The following SORBS3 variants were observed in gnomAD, a reference collection of about 807,000 sequenced individuals.
The protein encoded by SORBS3 is vinexin.
Under a neutral mutation model 98.0 loss-of-function variants are expected in SORBS3, and 69 were observed. The ratio of observed to expected loss-of-function variants is 0.70; its 90% CI spans 0.58 to 0.86. The LOEUF is 0.86. Ranked by LOEUF, SORBS3 falls within the 40% of genes least tolerant of loss-of-function variation. The pLI is 0.00. For missense variants in SORBS3, 954 were observed against 908.5 expected (o/e 1.05, Z -0.64); for synonymous variants, 394 against 355.4 (o/e 1.11, Z -1.22).
At chr8:22,565,971 C>A in intron 12 of SORBS3, 99 bp downstream of exon 12, 1 of 841,250 alleles carries the variant, frequency 1.2e-6, no homozygotes, top group Non-Finnish European at 1.6e-6. Context: ...ATCGCGGGGC[C>A]CAGCCGGGGG....
chr8:22,575,042 T>G lies in SORBS3; in HGVS notation c.*314T>G. The G allele has an allele frequency of 3.8e-6, 2 of 521,902 alleles. No homozygotes were observed. The highest frequency in any genetic ancestry group is 3.7e-6 in the Non-Finnish European group (1 of 272,234). The allele number at this position is 521,902 out of a possible 1,614,324, so 32.3% of individuals were successfully genotyped here. On this transcript the variant is annotated 3_prime_UTR_variant, in exon 21 of 21. Transcript: ENST00000240123. ...CCAGACCCCAAGTCCCCCACCCCCA[T>G]CCTGCTCCAGCGTTTCCTCTAACAG...
chr8:22,574,265 C>G (rs528443146), intron 20 of SORBS3, among the ~76,000 whole-genome samples: 3 of 152,136 alleles, frequency 2.0e-5, no homozygotes, highest in Non-Finnish European at 4.4e-5. Flanking sequence ...GGGGTGCTCT[C>G]GGGCAATGCA....
rs776152551 is a variant in SORBS3 at position 22,569,277 on chromosome 8, G to C, written c.1431+4G>C. On this transcript the variant is annotated splice_donor_region_variant and intron_variant, in intron 17 of 20. Coordinates refer to ENST00000240123, the MANE Select transcript of SORBS3 (RefSeq NM_005775.5). ...GGTGGAGCTGTCCTTCCGCAAGGTG[G>C]GCCAGGCCGGAGACGGAGGGGTGGG... 1 of 1,587,162 alleles carries C rather than the reference G, an allele frequency of 6.3e-7. No individual in the cohort carries two copies. The highest frequency in any genetic ancestry group is 1.1e-5 in the South Asian group (1 of 87,916).
At chr8:22,551,177 G>A (rs1305155069), upstream of SORBS3, among the ~76,000 whole-genome samples, 1 of 152,204 alleles carries the variant, frequency 6.6e-6, no homozygotes, top group Non-Finnish European at 1.5e-5. This position sits in a 1 kb window ranked among gnomAD's most constrained non-coding sequence, Gnocchi z 5.8. Context: ...CGCCCGGGGG[G>A]GCCGCTCCCT....
chr8:22,561,707 G>A (rs1217351859), intron 6 of SORBS3, 158 bp from the exon 7 acceptor site: 2 of 667,922 alleles, frequency 3.0e-6, no homozygotes, highest in Admixed American at 2.5e-5. Context: ...CAATGCCCGC[G>A]TTCAGTGTCC....
chr8:22,567,288 C>T lies in SORBS3; in HGVS notation c.1305+113C>T, dbSNP rs927129725. The T allele has an allele frequency of 1.3e-4, 92 of 722,514 alleles. 3 individuals carry two copies. In the South Asian group the frequency reaches 1.3e-3, roughly 10 times the overall value. The allele number at this position is 722,514 out of a possible 1,614,324, so 44.8% of individuals were successfully genotyped here. A position where few individuals can be genotyped will look rare whatever the true frequency, so the allele number is the denominator to read the frequency against. ...AGCAAAAAACTGTGAGGGGCTGGGG[C>T]GTGTCTCGGAACTGTCCTTGGCCCC... On this transcript the variant is annotated intron_variant, in intron 16 of 20. Coordinates refer to ENST00000240123, the MANE Select transcript of SORBS3 (RefSeq NM_005775.5).
chr8:22,564,366 G>A lies in SORBS3; in HGVS notation c.759G>A (p.Gln253=), dbSNP rs1840359719. 1 of 1,613,948 alleles carries A rather than the reference G, an allele frequency of 6.2e-7. No homozygotes were observed. The highest frequency in any genetic ancestry group is 1.3e-5 in the African/African-American group (1 of 74,950). ...TTCTGCAGGAACTAGAGACTGGGCA[G>A]AGGGTGAGTGCTGGCTGGCTCTCGG... ...NQFLQELETG[Q]RPKKPLVDDP... Residue 253 remains glutamine (Q), a synonymous_variant, in exon 9 of 21, where the codon CAG becomes CAA. Coordinates refer to ENST00000240123, the MANE Select transcript of SORBS3 (RefSeq NM_005775.5).
chr8:22,574,043 C>A (rs1840660081), intron 20 of SORBS3, among the ~76,000 whole-genome samples: 1 of 152,122 alleles, frequency 6.6e-6, no homozygotes, highest in Admixed American at 6.5e-5. Context: ...CATCAGTGAC[C>A]CTGGGGTGGT....
rs1840370153 is a variant in SORBS3 at position 22,564,817 on chromosome 8, C to T, written c.816+296C>T. The stretch of plus-strand genomic sequence containing the variant: ...GGTGGAGCTGGACCCTTGAGAAGCT[C>T]CGAGGGCCTGATTCGGCGAAGACCC... On this transcript the variant is annotated intron_variant, in intron 10 of 20. Coordinates refer to ENST00000240123, the MANE Select transcript of SORBS3 (RefSeq NM_005775.5). 3.0e-6 allele frequency: 4 copies of T among 1,318,322 alleles called. No individual in the cohort carries two copies. The Admixed American group carries it at 1.4e-4, about 45-fold the overall frequency. The allele number at this position is 1,318,322 out of a possible 1,614,324, so 81.7% of individuals were successfully genotyped here. A position where few individuals can be genotyped will look rare whatever the true frequency, so the allele number is the denominator to read the frequency against.
intron 16 of SORBS3, 27 bp downstream of exon 16, chr8:22,567,202 G>C: frequency 6.6e-7 from 1 of 1,518,682 alleles, no homozygotes; most frequent in South Asian, 1.1e-5. Flanking sequence ...AGAGCAAGTG[G>C]GGCTGGGCTG....
chr8:22,565,405 G>C, intron 11 of SORBS3, 51 bp downstream of exon 11: 2 of 1,426,756 alleles, frequency 1.4e-6, no homozygotes, highest in Non-Finnish European at 1.9e-6. Context: ...CCGCAGGGTC[G>C]GGGCGAGCCG....
At position 22,561,662 on chromosome 8, in the gene SORBS3, T is replaced by C. The variant is rs151284581; in HGVS notation, c.518-203T>C. The stretch of plus-strand genomic sequence containing the variant: ...AGATCATCACCTACTCGGAGTTGTT[T>C]TGAAGATGTAGTAAATGTCGTAAAG... On this transcript the variant is annotated intron_variant, in intron 6 of 20. Coordinates refer to ENST00000240123, the MANE Select transcript of SORBS3 (RefSeq NM_005775.5). 1.8e-4 allele frequency: 110 copies of C among 620,420 alleles called. No individual in the cohort carries two copies. The African/African-American group carries it at 1.9e-3, about 11-fold the overall frequency. The allele number at this position is 620,420 out of a possible 1,614,324, so 38.4% of individuals were successfully genotyped here. A position where few individuals can be genotyped will look rare whatever the true frequency, so the allele number is the denominator to read the frequency against.
exon 1 of SORBS3, chr8:22,545,066 T>TTA (rs1208521767): frequency 6.6e-6 from 1 of 152,222 alleles, no homozygotes; most frequent in Non-Finnish European, 1.5e-5. Flanking sequence ...TTGTTTGTGG[T>TTA]TATAACCATG....
chr8:22,548,734 C>T (rs1370937238), upstream of SORBS3, among the ~76,000 whole-genome samples: 1 of 152,166 alleles, frequency 6.6e-6, no homozygotes, highest in Non-Finnish European at 1.5e-5. Flanking sequence ...GCAAGGCGCT[C>T]CTCAAGAACT....
chr8:22,566,013 G>A (rs1275588331), intron 12 of SORBS3, 141 bp downstream of exon 12: 8 of 612,426 alleles, frequency 1.3e-5, no homozygotes, highest in Non-Finnish European at 1.7e-5. Flanking sequence ...GTCCGGGAGG[G>A]ACCGCAGCGC....
In SORBS3 at chr8:22,574,722, G is replaced by T. The variant is rs1192385180; in HGVS notation, c.2010G>T (p.Pro670=). Reference sequence around the variant, plus strand: ...CGTTCCCTGGAAATTACGTTGCCCCGGTGTGAGTGGTCTCCATGGCAACTT... The same window carrying T: ...CGTTCCCTGGAAATTACGTTGCCCCTGTGTGAGTGGTCTCCATGGCAACTT... ...FGTFPGNYVA[P]V Residue 670 remains proline, a synonymous_variant, in exon 21 of 21, where the codon CCG becomes CCT. Transcript: ENST00000240123. 3.1e-6 allele frequency: 5 copies of T among 1,610,840 alleles called. No individual in the cohort carries two copies. The highest frequency in any genetic ancestry group is 4.2e-6 in the Non-Finnish European group (5 of 1,177,860).
upstream of SORBS3, among the ~76,000 whole-genome samples, chr8:22,547,029 A>G (rs1840023108): frequency 6.6e-6 from 1 of 152,222 alleles, no homozygotes; most frequent in South Asian, 2.1e-4. Context: ...ATACAACCAC[A>G]TTAAGGGCCA....
intron 1 of SORBS3, among the ~76,000 whole-genome samples, chr8:22,546,262 T>C (rs1383795754): frequency 6.6e-6 from 1 of 152,228 alleles, no homozygotes; most frequent in Non-Finnish European, 1.5e-5. Flanking sequence ...ATGATAACTT[T>C]ATTGGCTCCC....
At chr8:22,570,674 A>C (rs1586906570) in intron 17 of SORBS3, among the ~76,000 whole-genome samples, 1 of 152,068 alleles carries the variant, frequency 6.6e-6, no homozygotes, top group Admixed American at 6.5e-5. Context: ...GGGGATGCAC[A>C]CCCGTTGAGC....
Sources: allele counts gnomAD v4.1 joint callset (sites outside exome capture counted in the v4.1 genomes callset), GRCh38; gene constraint gnomAD v4.1.1; non-coding constraint Gnocchi (gnomAD v3.1); transcripts MANE v1.5; gene names NCBI Gene and HGNC (gene_info 2026-07-23, HGNC 2026-07-21).